The following HRH3 variants were observed in gnomAD, a reference collection of about 807,000 sequenced individuals.
HRH3 encodes histamine H3 receptor.
In HRH3, 13 loss-of-function variants were observed where a neutral mutation model predicts 21.6. The observed-to-expected ratio is 0.60, with a 90% CI of 0.39 to 0.96. The LOEUF (loss-of-function observed/expected upper bound fraction) is 0.96. Among genes scored for constraint, HRH3 ranks in the 40% least tolerant of loss-of-function variants. The probability of loss-of-function intolerance (pLI) is 0.00; values close to 1 mark genes in which losing one functional copy is unlikely to be tolerated. For synonymous variants in HRH3, 276 were observed against 290.3 expected, an observed-to-expected ratio of 0.95 and a Z score of 0.50; for missense variants, 461 against 622.7, an observed-to-expected ratio of 0.74 and a Z score of 2.76.
chr20:62,217,040 T>C, intron 2 of HRH3, 114 bp from the exon 3 acceptor site: 1 of 1,034,184 alleles, frequency 9.7e-7, no homozygotes, highest in Non-Finnish European at 1.4e-6. Context: ...TGCTCCTCCT[T>C]TCCCCTCCTG....
rs200555822 is a variant in HRH3 at position 62,216,042 on chromosome 20, G to A, written c.1302C>T (p.Ile434=). The change falls in exon 3 of 3, where the codon ATC becomes ATT. Residue 434 remains isoleucine (I), a synonymous_variant. Coordinates refer to ENST00000340177, the MANE Select transcript of HRH3 (RefSeq NM_007232.3). ...AGTGCTCCAGGGAGCTGTGGGGCTG[G>A]ATTTTGAGCTTCTGGGGGCAGAGCA... The part of the protein sequence containing the change: ...TKLLCPQKLK[I]QPHSSLEHCW... 132 of 1,596,096 alleles carry A rather than the reference G, an allele frequency of 8.3e-5. No homozygotes were observed. The highest frequency in any genetic ancestry group is 1.0e-4 in the Non-Finnish European group (119 of 1,172,200).
At chr20:62,217,020 T>A in intron 2 of HRH3, 94 bp from the exon 3 acceptor site, 6 of 1,189,828 alleles carry the variant, frequency 5.0e-6, no homozygotes, top group Non-Finnish European at 6.9e-6. Context: ...GGCCCTTCCC[T>A]CAGCAGCAAT....
rs1192213834 is a variant in HRH3 at position 62,216,658 on chromosome 20, G to T, written c.686C>A (p.Thr229Asn). 1 of 1,612,838 alleles carries T rather than the reference G, an allele frequency of 6.2e-7. No individual in the cohort carries two copies. Among genetic ancestry groups the T allele is most frequent in the South Asian group, 1.1e-5 (1 of 91,088 alleles). Residue 229 changes from threonine to asparagine, a missense_variant, in exon 3 of 3, where the codon ACC becomes AAC. Around this residue, in one of 6 missense-constraint regions of HRH3, gnomAD observed 163 missense variants for 139.4 expected, o/e 1.17. Coordinates refer to ENST00000340177, the MANE Select transcript of HRH3 (RefSeq NM_007232.3). Reference protein sequence around the residue: ...LSIYLNIQRRTRLRLDGAREA... With the variant: ...LSIYLNIQRRNRLRLDGAREA... ...TCGAGCCCCATCCAGCCGGAGGCGGGTGCGCCTCTGGATGTTCAGGTAGAT... is the reference window on the plus strand; with the variant it reads ...TCGAGCCCCATCCAGCCGGAGGCGGTTGCGCCTCTGGATGTTCAGGTAGAT...
rs201799413 is a variant in HRH3 at position 62,216,392 on chromosome 20, G to A, written c.952C>T (p.Arg318Cys). ...GGCTTGGAGCCCCTCTTGAGTGAGC[G>A]CGGCCTCTCAGTGCCCCTCGAGGAG... The part of the protein sequence containing the change: ...GSSSRGTERP[R>C]SLKRGSKPSA... Residue 318 changes from arginine to cysteine, a missense_variant, in exon 3 of 3, where the codon CGC becomes TGC. This residue lies in a region of HRH3 where 163 missense variants were observed against 139.4 expected (regional missense o/e 1.17). Transcript: ENST00000340177. 1.1e-5 allele frequency: 17 copies of A among 1,549,374 alleles called. No homozygotes were observed. The highest frequency in any genetic ancestry group is 7.3e-5 in the East Asian group (3 of 41,140).
At chr20:62,217,163 G>C (rs1337616746) in intron 2 of HRH3, among the ~76,000 whole-genome samples, 1 of 152,070 alleles carries the variant, frequency 6.6e-6, no homozygotes, top group African/African-American at 2.4e-5. Flanking sequence ...GGACCAACCT[G>C]AACCCTCACT....
chr20:62,217,756 G>A (rs536858030), intron 2 of HRH3, among the ~76,000 whole-genome samples: 14 of 152,294 alleles, frequency 9.2e-5, no homozygotes, highest in Non-Finnish European at 1.8e-4. Context: ...CTCTCTGCTC[G>A]GCCGCTTTAC....
chr20:62,219,493 G>A lies in HRH3; in HGVS notation c.250+228C>T, dbSNP rs1392108523. Among the ~76,000 whole-genome samples, 1 of 152,082 alleles carries A rather than the reference G, an allele frequency of 6.6e-6. No individual in the cohort carries two copies. Among genetic ancestry groups the A allele is most frequent in the Non-Finnish European group, 1.5e-5 (1 of 67,996 alleles). ...GCGCCTTGCGCCTCGCCCAGTGCCC[G>A]TGTCCCTTCCCGGGGACATCTCTCC... On this transcript the variant is annotated intron_variant, in intron 1 of 2. Coordinates refer to ENST00000340177, the MANE Select transcript of HRH3 (RefSeq NM_007232.3). This position sits in a 1 kb window ranked among gnomAD's most constrained non-coding sequence, Gnocchi z 8.7.
rs1476806355 is a variant in HRH3, at chr20:62,216,455, C to T, written c.889G>A (p.Gly297Ser). ...GAGGTGGGTGAAGCCACGGAGCCGC[C>T]CCCACCGCCACCCCCGAGGGTCGCC... ...GEATLGGGGG[G>S]GSVASPTSSS... The change falls in exon 3 of 3, where the codon GGC (glycine) becomes AGC (serine). Residue 297 changes from glycine to serine, a missense_variant. Physicochemically the swap from Gly to Ser is moderately conservative, Grantham distance 56. Coordinates refer to ENST00000340177, the MANE Select transcript of HRH3 (RefSeq NM_007232.3). 3 of 1,540,592 alleles carry T rather than the reference C, an allele frequency of 1.9e-6. No homozygotes were observed. In the South Asian group the frequency reaches 3.6e-5, roughly 18 times the overall value.
In HRH3 at chr20:62,215,474, G is replaced by T. The variant is rs1601119622; in HGVS notation, c.*532C>A. The T allele has an allele frequency of 1.1e-5, 5 of 457,396 alleles. No individual in the cohort carries two copies. The East Asian group carries it at 3.5e-4, about 32-fold the overall frequency. 28.3% of individuals were successfully genotyped at this position (457,396 alleles called of 1,614,324 possible). A position where few individuals can be genotyped will look rare whatever the true frequency, so the allele number is the denominator to read the frequency against. Reference sequence around the variant, plus strand: ...TTCCTAGGGCCCCTTGACACTTTTGGGGGCAGAGAGAGTTGGTGGGAAGAG... The same window carrying T: ...TTCCTAGGGCCCCTTGACACTTTTGTGGGCAGAGAGAGTTGGTGGGAAGAG... On this transcript the variant is annotated 3_prime_UTR_variant, in exon 3 of 3. Coordinates refer to ENST00000340177, the MANE Select transcript of HRH3 (RefSeq NM_007232.3).
In HRH3 at chr20:62,219,059, C is replaced by T. The variant is rs547808291; in HGVS notation, c.251-402G>A. ...CAGCCCCTACCCTGGCGCTGGACAA[C>T]CCTCGGTCTCAGCTTAGACAAGGAG... On this transcript the variant is annotated intron_variant, in intron 1 of 2. Transcript: ENST00000340177. The surrounding 1 kb of genome is among the most constrained non-coding windows in gnomAD (Gnocchi z 8.7). 2.0e-5 allele frequency among the ~76,000 whole-genome samples: 3 copies of T among 152,020 alleles called. No homozygotes were observed. The highest frequency in any genetic ancestry group is 2.1e-4 in the South Asian group (1 of 4,824).
Position 62,216,867 on chromosome 20 carries a change from C to T in HRH3, c.477G>A (p.Val159=). 1 of 1,612,490 alleles carries T rather than the reference C, an allele frequency of 6.2e-7. No homozygotes were observed. Among genetic ancestry groups the T allele is most frequent in the African/African-American group, 1.3e-5 (1 of 75,034 alleles). Residue 159 remains valine, a synonymous_variant, in exon 3 of 3, where the codon GTG becomes GTA. Coordinates refer to ENST00000340177, the MANE Select transcript of HRH3 (RefSeq NM_007232.3). ...CGTACAGCAGGAAGGCCAGCACCCACACCAGCAGCATCTTCCGCACTGCCC... is the reference window on the plus strand; with the variant it reads ...CGTACAGCAGGAAGGCCAGCACCCATACCAGCAGCATCTTCCGCACTGCCC... ...TRRAVRKMLL[V]WVLAFLLYGP...
At position 62,218,698 on chromosome 20, in the gene HRH3, G is replaced by A. The variant is rs773822203; in HGVS notation, c.251-41C>T. The A allele has an allele frequency of 2.7e-5, 43 of 1,595,278 alleles. No individual in the cohort carries two copies. Among genetic ancestry groups the A allele is most frequent in the Non-Finnish European group, 3.5e-5 (41 of 1,169,018 alleles). On this transcript the variant is annotated intron_variant, in intron 1 of 2. Transcript: ENST00000340177. This position sits in a 1 kb window ranked among gnomAD's most constrained non-coding sequence, Gnocchi z 5.6. ...CCACAGTGGGACCATGCAGCCAGGG[G>A]CCAGGGGACAGACGGACCTAAGCGC...
rs748667634 is a variant in HRH3 at position 62,216,897 on chromosome 20, C to T, written c.447G>A (p.Thr149=). 31 of 1,607,770 alleles carry T rather than the reference C, an allele frequency of 1.9e-5. No homozygotes were observed. Among genetic ancestry groups the T allele is most frequent in the Middle Eastern group, 1.7e-4 (1 of 5,914 alleles). ...AVSYRAQQGD[T]RRAVRKMLLV... Reference sequence around the variant, plus strand: ...GCAGCATCTTCCGCACTGCCCGCCGCGTGTCACCCTGCTGGGCCCGGTATG... The same window carrying T: ...GCAGCATCTTCCGCACTGCCCGCCGTGTGTCACCCTGCTGGGCCCGGTATG... The change falls in exon 3 of 3, where the codon ACG becomes ACA. Residue 149 remains threonine (T), a synonymous_variant. Coordinates refer to ENST00000340177, the MANE Select transcript of HRH3 (RefSeq NM_007232.3).
chr20:62,216,917 G>T lies in HRH3; in HGVS notation c.427C>A (p.Arg143=). 6.2e-7 allele frequency: 1 copy of T among 1,602,032 alleles called. No homozygotes were observed. The change falls in exon 3 of 3, where the codon CGG becomes AGG. Residue 143 remains arginine (R), a synonymous_variant. Transcript: ENST00000340177. The part of the protein sequence containing the change: ...FLSVTRAVSY[R]AQQGDTRRAV... ...CGCCGCGTGTCACCCTGCTGGGCCC[G>T]GTATGAGACCTGCAGAAGGGCAGGC...
rs915728373 is a variant in HRH3, at chr20:62,218,116, G to C, written c.417+375C>G. 6.6e-6 allele frequency among the ~76,000 whole-genome samples: 1 copy of C among 152,182 alleles called. No individual in the cohort carries two copies. Among genetic ancestry groups the C allele is most frequent in the African/African-American group, 2.4e-5 (1 of 41,436 alleles). On this transcript the variant is annotated intron_variant, in intron 2 of 2. Transcript: ENST00000340177. This position sits in a 1 kb window ranked among gnomAD's most constrained non-coding sequence, Gnocchi z 5.6. ...GCCAGGATCTGCCGCCTGCCTTCCCGGGGCCTGTGTGTGTGTGCACGCTGC... is the reference window on the plus strand; with the variant it reads ...GCCAGGATCTGCCGCCTGCCTTCCCCGGGCCTGTGTGTGTGTGCACGCTGC...
rs200732003 is a variant in HRH3, at chr20:62,216,791, C to T, written c.553G>A (p.Glu185Lys). 2.5e-6 allele frequency: 4 copies of T among 1,613,050 alleles called. No homozygotes were observed. The African/African-American group carries it at 4.0e-5, about 16-fold the overall frequency. Residue 185 changes from glutamate to lysine, a missense_variant, in exon 3 of 3, where the codon GAG (glutamate) becomes AAG (lysine). Transcript: ENST00000340177. ...AAGAACTCGGCATAGCAGTGGCCCT[C>T]GGGGATGGAGCTGCCCCCGGACAGG... ...EYLSGGSSIP[E>K]GHCYAEFFYN...
rs1226462895 is a variant in HRH3, at chr20:62,218,211, T to C, written c.417+280A>G. Among the ~76,000 whole-genome samples, 2 of 152,230 alleles carry C rather than the reference T, an allele frequency of 1.3e-5. No homozygotes were observed. The highest frequency in any genetic ancestry group is 4.8e-5 in the African/African-American group (2 of 41,470). On this transcript the variant is annotated intron_variant, in intron 2 of 2. Transcript: ENST00000340177. The surrounding 1 kb of genome is among the most constrained non-coding windows in gnomAD (Gnocchi z 5.6). ...GATCCTCCCTTAACTCCGGGGACTG[T>C]GGACCTGCCCCAGGGCGGGGGCTGC...
Position 62,220,160 on chromosome 20 carries a change from C to A in HRH3, c.-190G>T. Reference sequence around the variant, plus strand: ...CCAGAGCAGGCGGTGCCGAGGGGGCCGGGGCCGGATCCGAGCCCAGTGGGG... The same window carrying A: ...CCAGAGCAGGCGGTGCCGAGGGGGCAGGGGCCGGATCCGAGCCCAGTGGGG... On this transcript the variant is annotated 5_prime_UTR_variant, in exon 1 of 3. Coordinates refer to ENST00000340177, the MANE Select transcript of HRH3 (RefSeq NM_007232.3). The A allele has an allele frequency of 3.1e-6, 1 of 318,724 alleles. No homozygotes were observed. Among genetic ancestry groups the A allele is most frequent in the South Asian group, 1.1e-4 (1 of 8,876 alleles). The allele number at this position is 318,724 out of a possible 1,614,324, so 19.7% of individuals were successfully genotyped here. A position where few individuals can be genotyped will look rare whatever the true frequency, so the allele number is the denominator to read the frequency against.
At position 62,215,345 on chromosome 20, in the gene HRH3, T is replaced by C. The variant is rs1456502965; in HGVS notation, c.*661A>G. 2.2e-6 allele frequency: 1 copy of C among 456,792 alleles called. No homozygotes were observed. Among genetic ancestry groups the C allele is most frequent in the Non-Finnish European group, 4.4e-6 (1 of 227,006 alleles). 28.3% of individuals were successfully genotyped at this position (456,792 alleles called of 1,614,324 possible). A position where few individuals can be genotyped will look rare whatever the true frequency, so the allele number is the denominator to read the frequency against. ...AGCCCTGAGCTCCTCAGCAATTTTG[T>C]CTCTCTTGATTAAACATCCCAGGAA... On this transcript the variant is annotated 3_prime_UTR_variant, in exon 3 of 3. Transcript: ENST00000340177.
Sources: allele counts gnomAD v4.1 joint callset (sites outside exome capture counted in the v4.1 genomes callset), GRCh38; gene constraint gnomAD v4.1.1; regional missense constraint gnomAD v4.1.1; non-coding constraint Gnocchi (gnomAD v3.1); transcripts MANE v1.5; gene names NCBI Gene and HGNC (gene_info 2026-07-23, HGNC 2026-07-21).